The following ORMDL1 variants were observed in gnomAD, a reference collection of about 807,000 sequenced individuals.
ORMDL1 encodes the protein ORM1-like protein 1.
Under a neutral mutation model 13.0 loss-of-function variants are expected in ORMDL1, and 10 were observed. That is an observed-to-expected ratio of 0.77 (90% confidence interval 0.47 to 1.30). The LOEUF is 1.30. Ranked by LOEUF, ORMDL1 falls within the 50% of genes most tolerant of loss-of-function variation. The pLI is 0.00. For missense variants in ORMDL1, 171 were observed against 186.7 expected (o/e 0.92, Z 0.49); for synonymous variants, 61 against 63.9 (o/e 0.95, Z 0.22).
At chr2:189,775,524 T>G (rs1163562862) in intron 4 of ORMDL1, 41 bp downstream of exon 4, 2 of 1,515,014 alleles carry the variant, frequency 1.3e-6, no homozygotes, top group East Asian at 4.8e-5. Flanking sequence ...TATCTTCCTC[T>G]TATCCAATCC....
chr2:189,770,882 G>A lies in ORMDL1; in HGVS notation c.*885C>T, dbSNP rs2047563524. ...GAGACGTTGTTTCTGCCAGACCACA[G>A]GTTGGCTATATGGTTGTTCCTTTTA... On this transcript the variant is annotated 3_prime_UTR_variant, in exon 5 of 5. Coordinates refer to ENST00000392349, the MANE Select transcript of ORMDL1 (RefSeq NM_016467.5). 6.6e-6 allele frequency: 1 copy of A among 152,144 alleles called. No individual in the cohort carries two copies. The allele number at this position is 152,144 out of a possible 1,614,324, so 9.4% of individuals were successfully genotyped here. A position where few individuals can be genotyped will look rare whatever the true frequency, so the allele number is the denominator to read the frequency against.
intron 1 of ORMDL1, 166 bp downstream of exon 1, chr2:189,784,103 T>G (rs2048014661): frequency 6.6e-6 from 1 of 152,240 alleles, no homozygotes; most frequent in Non-Finnish European, 1.5e-5. Flanking sequence ...AACGAGGATT[T>G]GCGTAGGGGG....
At chr2:189,780,569 A>G (rs1257761117) in intron 3 of ORMDL1, among the ~76,000 whole-genome samples, 1 of 152,236 alleles carries the variant, frequency 6.6e-6, no homozygotes, top group African/African-American at 2.4e-5. Context: ...TAGATGAAGT[A>G]ACCTAGGTAG....
At chr2:189,781,176 G>C (rs2047818837) in intron 3 of ORMDL1, among the ~76,000 whole-genome samples, 1 of 152,030 alleles carries the variant, frequency 6.6e-6, no homozygotes. Context: ...GTCCACCTCA[G>C]CCTCCCAAAG....
At chr2:189,777,315 T>G (rs576363672) in intron 3 of ORMDL1, among the ~76,000 whole-genome samples, 2 of 152,288 alleles carry the variant, frequency 1.3e-5, no homozygotes, top group Admixed American at 1.3e-4. Context: ...TTCTGTAAGC[T>G]CTACGAAACC....
chr2:189,771,596 T>A lies in ORMDL1; in HGVS notation c.*171A>T. 1.8e-6 allele frequency: 1 copy of A among 541,298 alleles called. No homozygotes were observed. Among genetic ancestry groups the A allele is most frequent in the South Asian group, 3.1e-5 (1 of 32,526 alleles). The allele number at this position is 541,298 out of a possible 1,614,324, so 33.5% of individuals were successfully genotyped here. On this transcript the variant is annotated 3_prime_UTR_variant, in exon 5 of 5. Transcript: ENST00000392349. ...GTACCAGGTGTATTAAACAGAGGCA[T>A]CATTTAATGGAAATCTGCACTTCAA...
At chr2:189,769,365 C>T (rs899391442), downstream of ORMDL1, among the ~76,000 whole-genome samples, 6 of 146,778 alleles carry the variant, frequency 4.1e-5, no homozygotes, top group Admixed American at 1.4e-4. Context: ...CCAGCCTGGG[C>T]GACAAAAAAA....
At chr2:189,780,076 A>G (rs966365440) in intron 3 of ORMDL1, among the ~76,000 whole-genome samples, 1 of 152,208 alleles carries the variant, frequency 6.6e-6, no homozygotes, top group Non-Finnish European at 1.5e-5. Context: ...GCATATACAT[A>G]ATGAGATATC....
At chr2:189,764,740 A>C in the ORMDL1 span, 1 of 152,038 alleles carries the variant, frequency 6.6e-6, no homozygotes, top group African/African-American at 2.4e-5. Flanking sequence ...AGATATGCTT[A>C]TTTGGTCTCA....
At chr2:189,775,811 G>A (rs977906507) in intron 3 of ORMDL1, 95 bp from the exon 4 acceptor site, 4 of 1,227,694 alleles carry the variant, frequency 3.3e-6, no homozygotes, top group Non-Finnish European at 4.4e-6. Flanking sequence ...GTTTGTGAGA[G>A]TGTGTGATTT....
At chr2:189,781,312 G>T (rs1403640508) in intron 3 of ORMDL1, among the ~76,000 whole-genome samples, 1 of 152,062 alleles carries the variant, frequency 6.6e-6, no homozygotes, top group Non-Finnish European at 1.5e-5. Flanking sequence ...TTCAACAAAT[G>T]TACTGCTAAA....
chr2:189,770,006 A>T (rs1469458293), downstream of ORMDL1, among the ~76,000 whole-genome samples: 1 of 152,162 alleles, frequency 6.6e-6, no homozygotes, highest in Non-Finnish European at 1.5e-5. Context: ...CACCAAAGGG[A>T]AGGGAGTTGG....
In ORMDL1 at chr2:189,782,554, G is replaced by T; in HGVS notation, c.42C>A (p.Thr14=). The change falls in exon 3 of 5, where the codon ACC becomes ACA. Residue 14 remains threonine, a synonymous_variant. Coordinates refer to ENST00000392349, the MANE Select transcript of ORMDL1 (RefSeq NM_016467.5). The part of the protein sequence containing the change: ...GVAHSEVNPN[T]RVMNSRGMWL... The stretch of plus-strand genomic sequence containing the variant: ...ACATACCCCGGCTGTTCATGACACG[G>T]GTATTTGGATTCACTTCACTGTGGG... 1 of 1,614,156 alleles carries T rather than the reference G, an allele frequency of 6.2e-7. No individual in the cohort carries two copies. The highest frequency in any genetic ancestry group is 8.5e-7 in the Non-Finnish European group (1 of 1,180,020).
chr2:189,773,637 G>C (rs1418510748), intron 4 of ORMDL1, among the ~76,000 whole-genome samples: 1 of 149,656 alleles, frequency 6.7e-6, no homozygotes, highest in East Asian at 2.0e-4. Flanking sequence ...CAGGAGAATC[G>C]CTTGAACCTG....
downstream of ORMDL1, among the ~76,000 whole-genome samples, chr2:189,767,058 G>A (rs1397652062): frequency 1.3e-5 from 2 of 152,308 alleles, no homozygotes; most frequent in African/African-American, 4.8e-5. Flanking sequence ...TGCTGCTGCT[G>A]TGAACATAGA....
At chr2:189,776,234 C>A (rs7583918) in intron 3 of ORMDL1, among the ~76,000 whole-genome samples, 7,020 of 152,178 alleles carry the variant, frequency 0.046, 555 homozygotes, top group African/African-American at 0.16. Flanking sequence ...TCTTCCAAAG[C>A]AATAAAAATA....
chr2:189,783,782 C>A (rs1172317779), intron 1 of ORMDL1, among the ~76,000 whole-genome samples: 1 of 152,212 alleles, frequency 6.6e-6, no homozygotes, highest in Non-Finnish European at 1.5e-5. Context: ...AGCTGGAAGG[C>A]AAAGCTGGTG....
At chr2:189,772,247 GAT>G (rs2047594363) in intron 4 of ORMDL1, among the ~76,000 whole-genome samples, 1 of 152,064 alleles carries the variant, frequency 6.6e-6, no homozygotes, top group Non-Finnish European at 1.5e-5. Flanking sequence ...TTCTGAAAAA[GAT>G]ATGGATTCAA....
chr2:189,767,903 G>A (rs1038182547), downstream of ORMDL1, among the ~76,000 whole-genome samples: 6 of 152,204 alleles, frequency 3.9e-5, no homozygotes, highest in Non-Finnish European at 7.4e-5. Context: ...CTTCTGTGAG[G>A]CCAACATTCA....
Sources: gnomAD v4.1 joint callset for allele counts (sites outside exome capture counted in the v4.1 genomes callset) on GRCh38, gnomAD v4.1.1 for gene constraint, MANE v1.5 for transcripts, NCBI Gene and HGNC (gene_info 2026-07-23, HGNC 2026-07-21) for gene names.